Variants in METTL9 observed in about 807,000 individuals in gnomAD.
METTL9 encodes protein-L-histidine N-pros-methyltransferase.
METTL9 carries 10 observed loss-of-function variants against 36.0 expected under a neutral mutation model. That is an observed-to-expected ratio of 0.28 (90% confidence interval 0.17 to 0.47). The LOEUF (loss-of-function observed/expected upper bound fraction) is 0.47. Ranked by LOEUF, METTL9 falls within the 20% of genes least tolerant of loss-of-function variation. The probability of loss-of-function intolerance (pLI) is 0.99; values close to 1 mark genes in which losing one functional copy is unlikely to be tolerated. For synonymous variants in METTL9, 175 were observed against 149.7 expected, an observed-to-expected ratio of 1.17 and a Z score of -1.23; for missense variants, 246 against 383.5, an observed-to-expected ratio of 0.64 and a Z score of 3.00.
chr16:21,647,474 G>A (rs764761471), intron 4 of METTL9: 3 of 1,611,694 alleles, frequency 1.9e-6, no homozygotes, highest in African/African-American at 2.7e-5. Context: ...GACAGAGAGA[G>A]TACAGGCGCC....
intron 2 of METTL9, among the ~76,000 whole-genome samples, chr16:21,613,382 A>G (rs900015982): frequency 6.6e-5 from 10 of 151,778 alleles, no homozygotes; most frequent in Middle Eastern, 3.4e-3. Flanking sequence ...CGAGGTTTCT[A>G]TGTTGGCCAG....
At chr16:21,649,189 C>T (rs3785083) in intron 4 of METTL9, among the ~76,000 whole-genome samples, 49,160 of 151,980 alleles carry the variant, frequency 0.32, 9,394 homozygotes, top group Non-Finnish European at 0.44. Context: ...GACAGGGTTT[C>T]ACCTTGTTAC....
At chr16:21,618,338 TTC>T (rs1252854683) in intron 3 of METTL9, among the ~76,000 whole-genome samples, 2 of 152,144 alleles carry the variant, frequency 1.3e-5, no homozygotes, top group Non-Finnish European at 2.9e-5. Context: ...GAATGTGGCA[TTC>T]TCAAAAAAAA....
intron 4 of METTL9, 29 bp from the exon 5 acceptor site, chr16:21,655,198 A>T (rs777449316): frequency 6.3e-7 from 1 of 1,596,164 alleles, no homozygotes; most frequent in Admixed American, 1.7e-5. Flanking sequence ...TTGTTCAAGA[A>T]TTTAACTGAA....
chr16:21,645,173 CTGAG>C (rs1966390688), intron 4 of METTL9, among the ~76,000 whole-genome samples: 1 of 152,180 alleles, frequency 6.6e-6, no homozygotes, highest in South Asian at 2.1e-4. Context: ...ATAGATGAGA[CTGAG>C]TGTGATGGCT....
At position 21,599,850 on chromosome 16, in the gene METTL9, C is replaced by A; in HGVS notation, c.117C>A (p.Gly39=). 6.6e-7 allele frequency: 1 copy of A among 1,511,482 alleles called. No individual in the cohort carries two copies. The highest frequency in any genetic ancestry group is 8.8e-7 in the Non-Finnish European group (1 of 1,136,360). The allele number at this position is 1,511,482 out of a possible 1,614,324, so 93.6% of individuals were successfully genotyped here. Residue 39 remains glycine, a synonymous_variant, in exon 1 of 5, where the codon GGC becomes GGA. Coordinates refer to ENST00000358154, the MANE Select transcript of METTL9 (RefSeq NM_016025.5). The surrounding 1 kb of genome is among the most constrained non-coding windows in gnomAD (Gnocchi z 4.4). ...TRSLYVNMTS[G]PGGPAAAAGG... ...CCCTGTACGTGAACATGACTAGCGGCCCGGGTGGGCCGGCGGCGGCCGCGG... is the reference window on the plus strand; with the variant it reads ...CCCTGTACGTGAACATGACTAGCGGACCGGGTGGGCCGGCGGCGGCCGCGG...
intron 1 of METTL9, among the ~76,000 whole-genome samples, chr16:21,604,904 T>C (rs963146721): frequency 2.0e-5 from 3 of 152,196 alleles, no homozygotes; most frequent in African/African-American, 7.2e-5. Flanking sequence ...GTTTGGTTTT[T>C]AGGCATTCCC....
chr16:21,600,437 T>TC (rs1965091216), intron 1 of METTL9, among the ~76,000 whole-genome samples: 2 of 152,310 alleles, frequency 1.3e-5, no homozygotes, highest in Admixed American at 6.5e-5. Context: ...GTGACATTTC[T>TC]CCCTAAGCAC....
chr16:21,598,419 C>T (rs945163719), upstream of METTL9, among the ~76,000 whole-genome samples: 1 of 151,736 alleles, frequency 6.6e-6, no homozygotes, highest in African/African-American at 2.4e-5. Context: ...GGCTCACCAC[C>T]CCACTGTTTC....
chr16:21,612,391 C>T (rs75137910), intron 1 of METTL9: 4 of 318,818 alleles, frequency 1.3e-5, no homozygotes, highest in Non-Finnish European at 2.2e-5. Flanking sequence ...AAAAGCCTCT[C>T]CACCCTTCCC....
chr16:21,602,811 C>A (rs1026474437), intron 1 of METTL9, among the ~76,000 whole-genome samples: 1 of 151,972 alleles, frequency 6.6e-6, no homozygotes, highest in South Asian at 2.1e-4. Flanking sequence ...GTGAACACCA[C>A]CACGCCCAGA....
At chr16:21,634,960 C>T (rs1409426314) in intron 4 of METTL9, among the ~76,000 whole-genome samples, 1 of 152,190 alleles carries the variant, frequency 6.6e-6, no homozygotes. Flanking sequence ...CAGTGGGGAT[C>T]TGTACTGGGG....
intron 3 of METTL9, among the ~76,000 whole-genome samples, chr16:21,622,385 C>T (rs1347984306): frequency 6.6e-6 from 1 of 151,448 alleles, no homozygotes; most frequent in Non-Finnish European, 1.5e-5. Flanking sequence ...TAGGCTCAAG[C>T]GATCCTCCCA....
upstream of METTL9, chr16:21,597,349 T>A: frequency 8.3e-7 from 1 of 1,208,690 alleles, no homozygotes; most frequent in Non-Finnish European, 1.1e-6. Flanking sequence ...CATTTGATCA[T>A]CGGATGCTCT....
chr16:21,626,327 G>A (rs867563106), intron 4 of METTL9, among the ~76,000 whole-genome samples: 1 of 152,182 alleles, frequency 6.6e-6, no homozygotes, highest in Non-Finnish European at 1.5e-5. Context: ...TATCAAATAT[G>A]AAAATCTATG....
chr16:21,618,297 A>C (rs927280740), intron 3 of METTL9, among the ~76,000 whole-genome samples: 2 of 152,204 alleles, frequency 1.3e-5, no homozygotes, highest in Non-Finnish European at 2.9e-5. Flanking sequence ...TGGAAAAGGC[A>C]GATCAGAAGA....
intron 4 of METTL9, among the ~76,000 whole-genome samples, chr16:21,651,000 G>A (rs944630077): frequency 5.3e-5 from 8 of 152,200 alleles, no homozygotes; most frequent in Admixed American, 4.6e-4. Flanking sequence ...GAGGCGGGCG[G>A]ATCACGAGGT....
intron 2 of METTL9, among the ~76,000 whole-genome samples, chr16:21,613,168 C>CTTTTTTTTTTTTTTTTTT (rs57388340): frequency 4.4e-5 from 4 of 91,422 alleles, no homozygotes; most frequent in African/African-American, 2.2e-4. Context: ...TGAGAGTCTG[C>CTTTTTTTTTTTTTTTTTT]TTTTTTTTTT....
At chr16:21,645,917 A>T (rs1966413054) in intron 4 of METTL9, among the ~76,000 whole-genome samples, 1 of 152,248 alleles carries the variant, frequency 6.6e-6, no homozygotes, top group Non-Finnish European at 1.5e-5. Flanking sequence ...ACATTTGAAT[A>T]TCAAAAGCCC....
Sources: gnomAD v4.1 joint callset for allele counts (sites outside exome capture counted in the v4.1 genomes callset) on GRCh38, gnomAD v4.1.1 for gene constraint, Gnocchi (gnomAD v3.1) non-coding constraint, MANE v1.5 for transcripts, NCBI Gene and HGNC (gene_info 2026-07-23, HGNC 2026-07-21) for gene names.